WDPCP: variants seen among roughly 807,000 people sequenced by gnomAD.
WDPCP encodes WD repeat containing planar cell polarity effector, also known as WD repeat-containing and planar cell polarity effector protein fritz homolog.
A neutral mutation model predicts 93.1 loss-of-function variants in WDPCP; 71 were observed. That is an observed-to-expected ratio of 0.76 (90% confidence interval 0.63 to 0.93). The LOEUF is 0.93. Ranked by LOEUF, WDPCP falls within the 40% of genes least tolerant of loss-of-function variation. WDPCP has a pLI of 0.00. For missense variants in WDPCP, 844 were observed against 887.4 expected (o/e 0.95, Z 0.62); for synonymous variants, 315 against 315.0 (o/e 1.00, Z 0.00).
upstream of WDPCP, chr2:63,589,963 T>A (rs1709139826): frequency 6.5e-6 from 1 of 154,472 alleles, no homozygotes; most frequent in Non-Finnish European, 1.4e-5. Context: ...GGCTGGAGAA[T>A]GTGGAGAAAT....
intron 14 of WDPCP, among the ~76,000 whole-genome samples, chr2:63,240,844 C>A (rs1373086834): frequency 6.6e-6 from 1 of 152,048 alleles, no homozygotes; most frequent in Non-Finnish European, 1.5e-5. Flanking sequence ...GTACCTTTCT[C>A]CACAGGAAAA....
At chr2:63,750,712 G>A (rs1275514156) in intron 2 of WDPCP, among the ~76,000 whole-genome samples, 1 of 151,964 alleles carries the variant, frequency 6.6e-6, no homozygotes, top group African/African-American at 2.4e-5. Flanking sequence ...TTTGAAAAAT[G>A]TTATTTCTGC....
At chr2:63,536,966 C>T (rs960370744) in intron 1 of WDPCP, among the ~76,000 whole-genome samples, 1 of 151,910 alleles carries the variant, frequency 6.6e-6, no homozygotes, top group Admixed American at 6.6e-5. Flanking sequence ...TGGGGTTTCG[C>T]CATGTTGGCC....
intron 2 of WDPCP, among the ~76,000 whole-genome samples, chr2:63,655,996 T>C (rs1710162030): frequency 6.6e-6 from 1 of 152,208 alleles, no homozygotes; most frequent in African/African-American, 2.4e-5. Context: ...TACCCTTTAA[T>C]ATAAATTAAT....
chr2:63,331,273 G>A (rs1377084268), intron 12 of WDPCP, among the ~76,000 whole-genome samples: 1 of 152,172 alleles, frequency 6.6e-6, no homozygotes, highest in Non-Finnish European at 1.5e-5. Context: ...TGTAGTCACT[G>A]CACCAGTGTT....
At chr2:63,451,265 T>G (rs1355386601) in intron 6 of WDPCP, among the ~76,000 whole-genome samples, 6 of 151,664 alleles carry the variant, frequency 4.0e-5, no homozygotes, top group African/African-American at 1.5e-4. Flanking sequence ...TCTCAGAACT[T>G]GAAGAAGGGA....
intron 2 of WDPCP, among the ~76,000 whole-genome samples, chr2:63,780,847 C>A (rs562969142): frequency 6.6e-6 from 1 of 152,246 alleles, no homozygotes; most frequent in African/African-American, 2.4e-5. Flanking sequence ...TAGTTAGATT[C>A]CAGTGTAATG....
intron 2 of WDPCP, among the ~76,000 whole-genome samples, chr2:63,791,376 T>C (rs1308058328): frequency 2.0e-5 from 3 of 152,158 alleles, no homozygotes; most frequent in African/African-American, 7.2e-5. Context: ...CAATTCTTTA[T>C]GGGATGGAGA....
At chr2:63,569,988 T>C (rs1707361301) in intron 1 of WDPCP, among the ~76,000 whole-genome samples, 1 of 152,218 alleles carries the variant, frequency 6.6e-6, no homozygotes, top group East Asian at 1.9e-4. Context: ...TGTGGTTGAA[T>C]GACTGGCTCC....
intron 1 of WDPCP, among the ~76,000 whole-genome samples, chr2:63,569,398 G>T (rs1195551218): frequency 6.6e-6 from 1 of 152,100 alleles, no homozygotes; most frequent in Non-Finnish European, 1.5e-5. Context: ...GCAGATACAT[G>T]TATTTTTTTT....
At chr2:63,714,612 G>A (rs893435891) in intron 2 of WDPCP, among the ~76,000 whole-genome samples, 1 of 152,146 alleles carries the variant, frequency 6.6e-6, no homozygotes, top group African/African-American at 2.4e-5. Flanking sequence ...GGCGGATCAC[G>A]AGGTCAGGAG....
rs1669563791 is a variant in WDPCP, at chr2:63,121,816, T to C, written c.*190A>G. The stretch of plus-strand genomic sequence containing the variant: ...TGAAGACTTTTACTTACGATCACTT[T>C]GCTGTTATGCTGCATGTTTTTGAAA... On this transcript the variant is annotated 3_prime_UTR_variant, in exon 18 of 18. Coordinates refer to ENST00000272321, the MANE Select transcript of WDPCP (RefSeq NM_015910.7). 12 of 1,346,946 alleles carry C rather than the reference T, an allele frequency of 8.9e-6. No homozygotes were observed. The East Asian group carries it at 3.1e-4, about 35-fold the overall frequency. 83.4% of individuals were successfully genotyped at this position (1,346,946 alleles called of 1,614,324 possible).
At position 63,575,470 on chromosome 2, in the gene WDPCP, G is replaced by GTATATACACTGTATATACTA. The variant is rs1707977860; in HGVS notation, c.75+12726_75+12727insTAGTATATACAGTGTATATA. Among the ~76,000 whole-genome samples, 2 of 119,238 alleles carry GTATATACACTGTATATACTA rather than the reference G, an allele frequency of 1.7e-5. 1 individual carries two copies. The highest frequency in any genetic ancestry group is 1.5e-4 in the Admixed American group (2 of 13,154). The allele number at this position is 119,238 out of a possible 152,430, so 78.2% of individuals were successfully genotyped here. ...ACACTGTATATACAGTATATATGCA[G>GTATATACACTGTATATACTA]TATATACAGTGTATATATAGTATAT... On this transcript the variant is annotated intron_variant, in intron 1 of 17. Coordinates refer to ENST00000272321, the MANE Select transcript of WDPCP (RefSeq NM_015910.7).
chr2:63,199,404 G>A (rs552697891), intron 14 of WDPCP, among the ~76,000 whole-genome samples: 3 of 152,344 alleles, frequency 2.0e-5, no homozygotes, highest in African/African-American at 4.8e-5. Context: ...GGGAAGAATA[G>A]TTTTGTGGGC....
At chr2:63,363,052 CTTAT>C (rs1690606117) in intron 12 of WDPCP, among the ~76,000 whole-genome samples, 2 of 151,850 alleles carry the variant, frequency 1.3e-5, no homozygotes, top group Admixed American at 1.3e-4. Flanking sequence ...TATACTTCCA[CTTAT>C]TTAGATTTTT....
intron 13 of WDPCP, among the ~76,000 whole-genome samples, chr2:63,304,672 T>C (rs1388360407): frequency 6.6e-6 from 1 of 152,160 alleles, no homozygotes; most frequent in Non-Finnish European, 1.5e-5. Flanking sequence ...ACTTGGTGGC[T>C]GTTTGGGAAG....
rs1684757157 is a variant in WDPCP at position 63,295,264 on chromosome 2, A to G, written c.1812+17984T>C. ...GGGACAAAAAAAGCTGTATGGTATAAAAAACGACTGGCAAAATAACAGAAG... is the reference window on the plus strand; with the variant it reads ...GGGACAAAAAAAGCTGTATGGTATAGAAAACGACTGGCAAAATAACAGAAG... On this transcript the variant is annotated intron_variant, in intron 13 of 17. Transcript: ENST00000272321. 2.0e-5 allele frequency among the ~76,000 whole-genome samples: 3 copies of G among 152,280 alleles called. No homozygotes were observed. The South Asian group carries it at 6.2e-4, about 32-fold the overall frequency.
chr2:63,525,129 A>C (rs1414291865), intron 1 of WDPCP, among the ~76,000 whole-genome samples: 2 of 152,194 alleles, frequency 1.3e-5, no homozygotes, highest in Non-Finnish European at 2.9e-5. Flanking sequence ...ATTATCGTAA[A>C]CAAACTAACA....
Position 63,222,821 on chromosome 2 carries a change from CTT to C in WDPCP, c.1915+36484_1915+36485del, listed in dbSNP as rs1453242891. On this transcript the variant is annotated intron_variant, in intron 14 of 17. Coordinates refer to ENST00000272321, the MANE Select transcript of WDPCP (RefSeq NM_015910.7). ...CTTATAAATTATTTTCCATTTATCT[CTT>C]CTCTATAAAGTTATGACATTTCATT... 6.6e-5 allele frequency among the ~76,000 whole-genome samples: 10 copies of C among 152,150 alleles called. No homozygotes were observed. In the East Asian group the frequency reaches 1.9e-3, roughly 29 times the overall value.
Sources: allele counts gnomAD v4.1 joint callset (sites outside exome capture counted in the v4.1 genomes callset), GRCh38; gene constraint gnomAD v4.1.1; transcripts MANE v1.5; gene names NCBI Gene and HGNC (gene_info 2026-07-23, HGNC 2026-07-21).